PLCB4: variants seen among roughly 807,000 people sequenced by gnomAD.
PLCB4 encodes phospholipase C beta 4.
In PLCB4, 77 loss-of-function variants were observed where a neutral mutation model predicts 178.8. The ratio of observed to expected loss-of-function variants is 0.43; its 90% confidence interval spans 0.36 to 0.52. The LOEUF is 0.52. Among genes scored for constraint, PLCB4 ranks in the 20% least tolerant of loss-of-function variants. PLCB4 has a pLI of 0.00. For synonymous variants in PLCB4, 496 were observed against 490.8 expected, an observed-to-expected ratio of 1.01 and a Z score of -0.14; for missense variants, 1,024 against 1,453.4, an observed-to-expected ratio of 0.70 and a Z score of 4.80.
intron 2 of PLCB4, among the ~76,000 whole-genome samples, chr20:9,209,168 A>G (rs1473271362): frequency 6.6e-6 from 1 of 152,196 alleles, no homozygotes; most frequent in Non-Finnish European, 1.5e-5. Flanking sequence ...TAGATTTAGA[A>G]CTTGGTAGAG....
intron 2 of PLCB4, among the ~76,000 whole-genome samples, chr20:9,129,383 C>A (rs2092216486): frequency 6.6e-6 from 1 of 152,154 alleles, no homozygotes; most frequent in Non-Finnish European, 1.5e-5. Flanking sequence ...CCGAGTTCCC[C>A]AGTGGGATCA....
At chr20:9,302,390 G>C (rs2094716279) in intron 3 of PLCB4, among the ~76,000 whole-genome samples, 1 of 152,034 alleles carries the variant, frequency 6.6e-6, no homozygotes, top group African/African-American at 2.4e-5. Flanking sequence ...GATTGGCTGG[G>C]TCAACATTTT....
rs995725849 is a variant in PLCB4 at position 9,122,748 on chromosome 20, A to G, written c.-79+26406A>G. 1.1e-4 allele frequency among the ~76,000 whole-genome samples: 17 copies of G among 152,168 alleles called. 1 individual carries two copies. The highest frequency in any genetic ancestry group is 9.8e-4 in the Admixed American group (15 of 15,262). On this transcript the variant is annotated intron_variant, in intron 2 of 39. Transcript: ENST00000378473. ...AGTTTGGAGACTAAAGCATTTACAG[A>G]CCATTAGCTCTATACTTCACTCTTG...
chr20:9,354,847 A>C (rs1317020869), intron 7 of PLCB4, among the ~76,000 whole-genome samples: 2 of 152,166 alleles, frequency 1.3e-5, no homozygotes, highest in Admixed American at 6.5e-5. Context: ...GTGGTTCACA[A>C]ATGCCCCCAG....
chr20:9,340,323 G>A (rs192000936), intron 7 of PLCB4, among the ~76,000 whole-genome samples: 1 of 152,228 alleles, frequency 6.6e-6, no homozygotes, highest in African/African-American at 2.4e-5. Context: ...CCTCATTCCA[G>A]AAGTACAGAC....
rs554745538 is a variant in PLCB4 at position 9,312,988 on chromosome 20, T to C, written c.84+5090T>C. Among the ~76,000 whole-genome samples the C allele has an allele frequency of 2.2e-3, 337 of 152,258 alleles. 3 individuals are homozygous for C. The highest frequency in any genetic ancestry group is 4.1e-3 in the Admixed American group (63 of 15,292). On this transcript the variant is annotated intron_variant, in intron 4 of 39. Coordinates refer to ENST00000378473, the MANE Select transcript of PLCB4 (RefSeq NM_001377142.1). The stretch of plus-strand genomic sequence containing the variant: ...GTCCCAAACAACAGTAAATAGTAGG[T>C]CAAACCAAAAATACATTTTTCTATA...
chr20:9,331,006 C>T (rs951709092), intron 4 of PLCB4, among the ~76,000 whole-genome samples: 5 of 152,126 alleles, frequency 3.3e-5, no homozygotes, highest in African/African-American at 9.7e-5. Context: ...CCCTGTGAGT[C>T]GGTATCAGTT....
intron 35 of PLCB4, among the ~76,000 whole-genome samples, chr20:9,463,345 G>T (rs2043530794): frequency 6.6e-6 from 1 of 152,092 alleles, no homozygotes; most frequent in African/African-American, 2.4e-5. Context: ...AGGCTAGGAA[G>T]AAACTGCATC....
chr20:9,461,158 G>C lies in PLCB4; in HGVS notation c.3248+1348G>C, dbSNP rs116946928. On this transcript the variant is annotated intron_variant, in intron 35 of 39. Transcript: ENST00000378473. Reference sequence around the variant, plus strand: ...TTGTTGAATAAAGAGAAAAACATTAGCTCACAACAGTAGGCATTATCTGAA... The same window carrying C: ...TTGTTGAATAAAGAGAAAAACATTACCTCACAACAGTAGGCATTATCTGAA... 2.6e-5 allele frequency among the ~76,000 whole-genome samples: 4 copies of C among 152,186 alleles called. No homozygotes were observed. The East Asian group carries it at 7.7e-4, about 29-fold the overall frequency.
chr20:9,327,501 G>T (rs1172727271), intron 4 of PLCB4, among the ~76,000 whole-genome samples: 1 of 151,876 alleles, frequency 6.6e-6, no homozygotes, highest in Non-Finnish European at 1.5e-5. Context: ...TACTGGCCGG[G>T]CGCGGTGGCT....
chr20:9,458,172 A>G lies in PLCB4; in HGVS notation c.3072+683A>G, dbSNP rs541721577. 9.1e-4 allele frequency among the ~76,000 whole-genome samples: 138 copies of G among 152,290 alleles called. 2 individuals are homozygous for G. The highest frequency in any genetic ancestry group is 1.8e-4 in the Non-Finnish European group (12 of 68,008). Reference sequence around the variant, plus strand: ...AGCTGTGGTTGAACCAGCCAGCCTCATCTATCTATATGCAGCTGTGTCATC... The same window carrying G: ...AGCTGTGGTTGAACCAGCCAGCCTCGTCTATCTATATGCAGCTGTGTCATC... On this transcript the variant is annotated intron_variant, in intron 34 of 39. Coordinates refer to ENST00000378473, the MANE Select transcript of PLCB4 (RefSeq NM_001377142.1).
chr20:9,427,593 T>A (rs570918087), intron 28 of PLCB4, among the ~76,000 whole-genome samples: 1 of 152,338 alleles, frequency 6.6e-6, no homozygotes, highest in African/African-American at 2.4e-5. Context: ...TGCTGCTTTA[T>A]CTGTGGGTGC....
chr20:9,221,640 G>T (rs1443439223), intron 3 of PLCB4, among the ~76,000 whole-genome samples: 3 of 152,222 alleles, frequency 2.0e-5, no homozygotes, highest in African/African-American at 7.2e-5. Context: ...AATGGAGTCA[G>T]CTACTGGTTC....
chr20:9,213,940 G>A (rs1174162425), intron 2 of PLCB4, among the ~76,000 whole-genome samples: 1 of 152,006 alleles, frequency 6.6e-6, no homozygotes, highest in African/African-American at 2.4e-5. Flanking sequence ...TCTTTTTTGG[G>A]AAATGTCTAT....
intron 6 of PLCB4, among the ~76,000 whole-genome samples, chr20:9,338,554 G>T (rs868474713): frequency 1.3e-5 from 2 of 151,914 alleles, no homozygotes; most frequent in Middle Eastern, 3.4e-3. Context: ...GCATGTGCCT[G>T]TAGTCTCAAC....
chr20:9,346,394 A>C (rs2033798116), intron 7 of PLCB4, among the ~76,000 whole-genome samples: 1 of 152,224 alleles, frequency 6.6e-6, no homozygotes, highest in Non-Finnish European at 1.5e-5. Context: ...TCTGATGCCC[A>C]GGCTCAACTG....
chr20:9,324,670 C>G (rs925342415), intron 4 of PLCB4, among the ~76,000 whole-genome samples: 2 of 152,130 alleles, frequency 1.3e-5, no homozygotes, highest in African/African-American at 4.8e-5. Context: ...GCAGAATTCT[C>G]TAGGTGGTAG....
At chr20:9,288,518 G>A (rs1265617102) in intron 3 of PLCB4, among the ~76,000 whole-genome samples, 1 of 151,664 alleles carries the variant, frequency 6.6e-6, no homozygotes, top group Non-Finnish European at 1.5e-5. Flanking sequence ...CCCATCTCAG[G>A]ACATATTTGG....
chr20:9,476,524 G>A (rs753677811), intron 38 of PLCB4, among the ~76,000 whole-genome samples, 193 bp from the exon 39 acceptor site: 9 of 152,074 alleles, frequency 5.9e-5, no homozygotes, highest in South Asian at 4.1e-4. Flanking sequence ...TGTTTGTTTC[G>A]TTTCTTTTTT....
Sources: allele counts gnomAD v4.1 joint callset (sites outside exome capture counted in the v4.1 genomes callset), GRCh38; gene constraint gnomAD v4.1.1; transcripts MANE v1.5; gene names NCBI Gene and HGNC (gene_info 2026-07-23, HGNC 2026-07-21).